The following PPARG variants were observed in gnomAD, a reference collection of about 807,000 sequenced individuals.
The protein encoded by PPARG is peroxisome proliferator activated receptor gamma.
Under a neutral mutation model 39.2 loss-of-function variants are expected in PPARG, and 17 were observed. The observed-to-expected ratio is 0.43, with a 90% confidence interval of 0.30 to 0.65. The LOEUF (loss-of-function observed/expected upper bound fraction) is 0.65. Among genes scored for constraint, PPARG ranks in the 30% least tolerant of loss-of-function variants. The pLI is 0.13. For synonymous variants in PPARG, 223 were observed against 215.7 expected (o/e 1.03, Z -0.30); for missense variants, 406 against 585.9 (o/e 0.69, Z 3.17).
At chr3:12,378,310 C>T (rs755487620) in intron 2 of PPARG, among the ~76,000 whole-genome samples, 2 of 152,168 alleles carry the variant, frequency 1.3e-5, no homozygotes, top group African/African-American at 2.4e-5. Flanking sequence ...GAAGAGCTAT[C>T]TGCTCTCCCA....
At chr3:12,360,572 G>GAAAA (rs1409869987) in intron 2 of PPARG, among the ~76,000 whole-genome samples, 2 of 49,682 alleles carry the variant, frequency 4.0e-5, no homozygotes, top group African/African-American at 1.2e-4. Flanking sequence ...TTAGCACCCA[G>GAAAA]ACAAAAAAAA....
At chr3:12,382,363 G>A (rs1358681487) in intron 4 of PPARG, among the ~76,000 whole-genome samples, 3 of 152,124 alleles carry the variant, frequency 2.0e-5, no homozygotes, top group Non-Finnish European at 4.4e-5. Flanking sequence ...ATTTTGATAT[G>A]CAGTCTTTTA....
rs1204347882 is a variant in PPARG, at chr3:12,310,458, C to CTTT, written c.-82-1901_-82-1899dup. ...ACCTTTGTTTTCACGTATTTGAGCC[C>CTTT]TTTTTTTTTTTTTTTTTTTTTTTGA... On this transcript the variant is annotated intron_variant, in intron 1 of 7. Coordinates refer to ENST00000651735, the MANE Select transcript of PPARG (RefSeq NM_138711.6). 7.2e-3 allele frequency among the ~76,000 whole-genome samples: 502 copies of CTTT among 69,876 alleles called. 7 individuals are homozygous for CTTT. The highest frequency in any genetic ancestry group is 0.015 in the East Asian group (29 of 1,942). 45.8% of individuals were successfully genotyped at this position (69,876 alleles called of 152,430 possible). A position where few individuals can be genotyped will look rare whatever the true frequency, so the allele number is the denominator to read the frequency against.
intron 5 of PPARG, among the ~76,000 whole-genome samples, chr3:12,402,732 G>A (rs1012755308): frequency 6.6e-6 from 1 of 152,022 alleles, no homozygotes; most frequent in African/African-American, 2.4e-5. Context: ...AGAAGTTACC[G>A]AGTGACTCTG....
intron 5 of PPARG, among the ~76,000 whole-genome samples, chr3:12,403,938 A>G (rs1355426925): frequency 6.6e-6 from 1 of 152,210 alleles, no homozygotes; most frequent in Non-Finnish European, 1.5e-5. Context: ...TGGAGATTAT[A>G]TGGCAAGGGA....
At chr3:12,349,677 T>C (rs548046279) in intron 2 of PPARG, among the ~76,000 whole-genome samples, 2 of 152,342 alleles carry the variant, frequency 1.3e-5, no homozygotes, top group Admixed American at 1.3e-4. Flanking sequence ...AACAAACAAA[T>C]GCATGAAATG....
chr3:12,322,034 A>G lies in PPARG; in HGVS notation c.-9+9581A>G, dbSNP rs114299883. On this transcript the variant is annotated intron_variant, in intron 2 of 7. Coordinates refer to ENST00000651735, the MANE Select transcript of PPARG (RefSeq NM_138711.6). ...AATTGATCAACATGCGATGCAAAGC[A>G]TGCTACAGAATTGAATTAAGAAAAG... 1.2e-3 allele frequency among the ~76,000 whole-genome samples: 176 copies of G among 152,384 alleles called. 1 individual carries two copies. Among genetic ancestry groups the G allele is most frequent in the African/African-American group, 4.1e-3 (170 of 41,598 alleles).
At chr3:12,340,851 T>C (rs1234097633) in intron 2 of PPARG, among the ~76,000 whole-genome samples, 1 of 152,206 alleles carries the variant, frequency 6.6e-6, no homozygotes, top group Admixed American at 6.5e-5. Context: ...GCATAAGTTA[T>C]ATTATTAGGG....
rs1199572307 is a variant in PPARG at position 12,320,304 on chromosome 3, A to G, written c.-9+7851A>G. The stretch of plus-strand genomic sequence containing the variant: ...CTTTCTTACTACAAATTAAAGCTGA[A>G]CAGAATGTGGTGTTTGTCTTTTGGT... On this transcript the variant is annotated intron_variant, in intron 2 of 7. Coordinates refer to ENST00000651735, the MANE Select transcript of PPARG (RefSeq NM_138711.6). 3.3e-5 allele frequency among the ~76,000 whole-genome samples: 5 copies of G among 152,198 alleles called. No individual in the cohort carries two copies. The South Asian group carries it at 8.3e-4, about 25-fold the overall frequency.
At chr3:12,300,634 G>C (rs533635169) in intron 1 of PPARG, among the ~76,000 whole-genome samples, 16 of 151,406 alleles carry the variant, frequency 1.1e-4, no homozygotes, top group African/African-American at 3.9e-4. Flanking sequence ...AGAAAATGCA[G>C]ACTAATATTA....
intron 1 of PPARG, among the ~76,000 whole-genome samples, chr3:12,310,523 G>T (rs2047203055): frequency 1.3e-5 from 1 of 77,678 alleles, no homozygotes; most frequent in Non-Finnish European, 2.8e-5. Flanking sequence ...GAGTGCAGTG[G>T]CGGGATCTCG....
chr3:12,355,773 A>G (rs2048641212), intron 2 of PPARG, among the ~76,000 whole-genome samples: 1 of 152,234 alleles, frequency 6.6e-6, no homozygotes, highest in Admixed American at 6.5e-5. Context: ...ACTATCTCTA[A>G]GGAATACAAC....
intron 7 of PPARG, among the ~76,000 whole-genome samples, chr3:12,427,273 G>T (rs1171746829): frequency 7.1e-6 from 1 of 140,310 alleles, no homozygotes; most frequent in African/African-American, 2.7e-5. Context: ...AGTGAATTGG[G>T]GCACCGTGGG....
At chr3:12,293,835 G>C (rs1421317716) in intron 1 of PPARG, among the ~76,000 whole-genome samples, 1 of 152,118 alleles carries the variant, frequency 6.6e-6, no homozygotes, top group Non-Finnish European at 1.5e-5. Context: ...CAAACTGTTC[G>C]AGTGCAATGA....
chr3:12,306,955 G>A (rs1483940576), intron 1 of PPARG, among the ~76,000 whole-genome samples: 5 of 152,064 alleles, frequency 3.3e-5, no homozygotes, highest in African/African-American at 9.6e-5. Flanking sequence ...AAAATTAGCC[G>A]GGCGTGGTGG....
At chr3:12,361,578 C>G (rs2048848717) in intron 2 of PPARG, among the ~76,000 whole-genome samples, 1 of 152,192 alleles carries the variant, frequency 6.6e-6, no homozygotes. Context: ...AGTTGACCTG[C>G]TTCGTTTATT....
At chr3:12,433,872 T>G in intron 7 of PPARG, 26 bp from the exon 8 acceptor site, 1 of 1,613,576 alleles carries the variant, frequency 6.2e-7, no homozygotes, top group Non-Finnish European at 8.5e-7. Flanking sequence ...AACCCCCTGT[T>G]GTGTTTTCCA....
At chr3:12,356,107 G>T (rs2048656418) in intron 2 of PPARG, among the ~76,000 whole-genome samples, 1 of 152,208 alleles carries the variant, frequency 6.6e-6, no homozygotes, top group Admixed American at 6.5e-5. Flanking sequence ...AGGCACTAGA[G>T]GTTGTCCAGT....
At chr3:12,402,799 A>G (rs934885745) in intron 5 of PPARG, among the ~76,000 whole-genome samples, 3 of 152,162 alleles carry the variant, frequency 2.0e-5, no homozygotes, top group Non-Finnish European at 4.4e-5. Context: ...CTGGTGAACA[A>G]GAAATGAATG....
Sources: gnomAD v4.1 joint callset for allele counts (sites outside exome capture counted in the v4.1 genomes callset) on GRCh38, gnomAD v4.1.1 for gene constraint, MANE v1.5 for transcripts, NCBI Gene and HGNC (gene_info 2026-07-23, HGNC 2026-07-21) for gene names.